Variants in UTRN observed in about 807,000 individuals in gnomAD.
The protein encoded by UTRN is dystrophin-related protein 1.
A neutral mutation model predicts 463.9 loss-of-function variants in UTRN; 283 were observed. That is an observed-to-expected ratio of 0.61 (90% CI 0.55 to 0.67). The LOEUF is 0.67. Among genes scored for constraint, UTRN ranks in the 30% least tolerant of loss-of-function variants. The pLI is 0.00. For synonymous variants in UTRN, 1,442 were observed against 1,431.5 expected (o/e 1.01, Z -0.17); for missense variants, 3,922 against 4,084.3 (o/e 0.96, Z 1.08).
intron 2 of UTRN, among the ~76,000 whole-genome samples, chr6:144,310,030 A>AT (rs1806105460): frequency 6.6e-6 from 1 of 151,968 alleles, no homozygotes; most frequent in Non-Finnish European, 1.5e-5. Context: ...ATCCTGTTTC[A>AT]TTTTTTCCCA....
intron 33 of UTRN, among the ~76,000 whole-genome samples, chr6:144,497,204 G>A (rs1562488169): frequency 6.6e-6 from 1 of 152,196 alleles, no homozygotes; most frequent in Non-Finnish European, 1.5e-5. Context: ...TACACTTGGT[G>A]AGAGATGGTC....
intron 51 of UTRN, among the ~76,000 whole-genome samples, chr6:144,641,755 T>C (rs1777792367): frequency 6.6e-6 from 1 of 152,224 alleles, no homozygotes; most frequent in South Asian, 2.1e-4. Context: ...TCTTACGTTT[T>C]TAGAAATTCA....
intron 34 of UTRN, among the ~76,000 whole-genome samples, chr6:144,499,993 A>G (rs1794031545): frequency 6.6e-6 from 1 of 152,136 alleles, no homozygotes; most frequent in South Asian, 2.1e-4. Context: ...TATGTATCAC[A>G]TTTTCTTTAT....
intron 23 of UTRN, among the ~76,000 whole-genome samples, chr6:144,472,214 A>T (rs1035892928): frequency 6.6e-6 from 1 of 152,180 alleles, no homozygotes. Context: ...GAGATCTTAT[A>T]TGTGCTTAGG....
intron 2 of UTRN, among the ~76,000 whole-genome samples, chr6:144,348,825 T>C (rs1344899471): frequency 6.6e-6 from 1 of 151,928 alleles, no homozygotes; most frequent in Non-Finnish European, 1.5e-5. Context: ...ACCCAGCTAC[T>C]AGGGAGGCTG....
chr6:144,679,598 T>C (rs1782004383), intron 52 of UTRN, among the ~76,000 whole-genome samples: 1 of 152,184 alleles, frequency 6.6e-6, no homozygotes, highest in African/African-American at 2.4e-5. Context: ...ACACTCATGA[T>C]TGCTATGAAG....
At chr6:144,572,293 C>T (rs549147490) in intron 50 of UTRN, among the ~76,000 whole-genome samples, 1 of 152,122 alleles carries the variant, frequency 6.6e-6, no homozygotes, top group African/African-American at 2.4e-5. Flanking sequence ...GATTTGCAAA[C>T]TGAGTTCTGT....
chr6:144,602,408 G>A (rs1804353885), intron 51 of UTRN, among the ~76,000 whole-genome samples: 1 of 151,970 alleles, frequency 6.6e-6, no homozygotes, highest in South Asian at 2.1e-4. Context: ...TAAAGTGCTG[G>A]AATTACAGGC....
At chr6:144,428,367 TTAGGTTCATTTTTACCGCA>T (rs1367739143) in intron 7 of UTRN, among the ~76,000 whole-genome samples, 1 of 151,912 alleles carries the variant, frequency 6.6e-6, no homozygotes, top group Non-Finnish European at 1.5e-5. Flanking sequence ...ATTTATATAT[TTAGGTTCATTTTTACCGCA>T]TAGTGTGAGC....
At chr6:144,720,716 C>G (rs1290085229) in intron 53 of UTRN, among the ~76,000 whole-genome samples, 1 of 152,132 alleles carries the variant, frequency 6.6e-6, no homozygotes, top group Non-Finnish European at 1.5e-5. Context: ...ACCTTATTAC[C>G]TCTAAGCTAG....
Position 144,571,459 on chromosome 6 carries a change from C to T in UTRN, c.7290-5640C>T, listed in dbSNP as rs1019507226. 3.3e-5 allele frequency among the ~76,000 whole-genome samples: 5 copies of T among 152,236 alleles called. No individual in the cohort carries two copies. The East Asian group carries it at 9.7e-4, about 29-fold the overall frequency. The stretch of plus-strand genomic sequence containing the variant: ...TCCTAGAGGCAACTATTCTCCTTAC[C>T]TTCTTCTATCATTTTTACATTTCCA... On this transcript the variant is annotated intron_variant, in intron 50 of 74. Coordinates refer to ENST00000367545, the MANE Select transcript of UTRN (RefSeq NM_007124.3).
At position 144,835,815 on chromosome 6, in the gene UTRN, A is replaced by G; in HGVS notation, c.9701A>G (p.Gln3234Arg). The change falls in exon 70 of 75, where the codon CAA becomes CGA. Residue 3234 changes from glutamine to arginine, a missense_variant. By Grantham distance (43) the Gln-to-Arg change is conservative. Around this residue, in one of 3 missense-constraint regions of UTRN, gnomAD observed 1,309 missense variants for 1,452.6 expected, o/e 0.90. Coordinates refer to ENST00000367545, the MANE Select transcript of UTRN (RefSeq NM_007124.3). ...DEHALIQQYC[Q>R]TLGGESPVSQ... ...CACGCCCTCATCCAGCAGTATTGCCAAACACTCGGAGGAGAGTCCCCAGTG... is the reference window on the plus strand; with the variant it reads ...CACGCCCTCATCCAGCAGTATTGCCGAACACTCGGAGGAGAGTCCCCAGTG... 6.2e-7 allele frequency: 1 copy of G among 1,614,110 alleles called. No individual in the cohort carries two copies. The highest frequency in any genetic ancestry group is 8.5e-7 in the Non-Finnish European group (1 of 1,179,986).
chr6:144,512,284 TA>T (rs1339738898), intron 35 of UTRN, among the ~76,000 whole-genome samples: 1 of 152,098 alleles, frequency 6.6e-6, no homozygotes. Flanking sequence ...TTCACATTCT[TA>T]TGGCCCTTAT....
intron 54 of UTRN, among the ~76,000 whole-genome samples, chr6:144,740,041 A>G (rs916603404): frequency 6.6e-6 from 1 of 152,198 alleles, no homozygotes; most frequent in African/African-American, 2.4e-5. Flanking sequence ...TTGCATTCTC[A>G]TAATAATTCC....
intron 41 of UTRN, among the ~76,000 whole-genome samples, chr6:144,523,834 G>T (rs1796335462): frequency 6.6e-6 from 1 of 152,176 alleles, no homozygotes; most frequent in African/African-American, 2.4e-5. Context: ...AACAGAGGCA[G>T]CTACAGATAA....
At chr6:144,684,297 G>A (rs191280343) in intron 52 of UTRN, among the ~76,000 whole-genome samples, 3 of 152,132 alleles carry the variant, frequency 2.0e-5, no homozygotes, top group South Asian at 2.1e-4. Flanking sequence ...TGACCCACTC[G>A]CCTTGGCCTC....
At chr6:144,467,912 A>G (rs1393425760) in intron 23 of UTRN, among the ~76,000 whole-genome samples, 1 of 152,106 alleles carries the variant, frequency 6.6e-6, no homozygotes, top group African/African-American at 2.4e-5. Flanking sequence ...TTCCCTACTA[A>G]GTGAGAGAGC....
At chr6:144,604,485 A>C (rs563865617) in intron 51 of UTRN, among the ~76,000 whole-genome samples, 17 of 152,332 alleles carry the variant, frequency 1.1e-4, no homozygotes, top group African/African-American at 3.6e-4. Flanking sequence ...AGCTTTGTAT[A>C]AATGAATTAT....
intron 26 of UTRN, 85 bp from the exon 27 acceptor site, chr6:144,482,124 A>C: frequency 7.8e-7 from 1 of 1,277,134 alleles, no homozygotes; most frequent in Non-Finnish European, 1.0e-6. Flanking sequence ...CTTTGGTTTA[A>C]TTCTTGAAAA....
Sources: allele counts gnomAD v4.1 joint callset (sites outside exome capture counted in the v4.1 genomes callset), GRCh38; gene constraint gnomAD v4.1.1; regional missense constraint gnomAD v4.1.1; transcripts MANE v1.5; gene names NCBI Gene and HGNC (gene_info 2026-07-23, HGNC 2026-07-21).